Variants in AASS observed in about 807,000 individuals in gnomAD.
AASS encodes the protein alpha-aminoadipic semialdehyde synthase, mitochondrial.
AASS carries 86 observed loss-of-function variants against 105.4 expected under a neutral mutation model. The ratio of observed to expected loss-of-function variants is 0.82; its 90% confidence interval spans 0.69 to 0.98. The LOEUF is 0.98. AASS is among the 50% of genes least tolerant of loss of function. The probability of loss-of-function intolerance (pLI) is 0.00; values close to 1 mark genes in which losing one functional copy is unlikely to be tolerated. For synonymous variants in AASS, 381 were observed against 394.8 expected, an observed-to-expected ratio of 0.96 and a Z score of 0.41; for missense variants, 1,048 against 1,143.2, an observed-to-expected ratio of 0.92 and a Z score of 1.20.
At chr7:122,109,907 T>C (rs945747170) in intron 11 of AASS, among the ~76,000 whole-genome samples, 8 of 152,000 alleles carry the variant, frequency 5.3e-5, no homozygotes, top group Non-Finnish European at 8.8e-5. Flanking sequence ...TTGCAAACTA[T>C]ACGTCTCACA....
chr7:122,094,352 C>T (rs1794045069), intron 15 of AASS, among the ~76,000 whole-genome samples: 1 of 152,008 alleles, frequency 6.6e-6, no homozygotes, highest in Non-Finnish European at 1.5e-5. Context: ...AATAGCAATA[C>T]TCTATTCTAT....
chr7:122,120,421 C>A (rs893707838), intron 4 of AASS, among the ~76,000 whole-genome samples: 1 of 151,934 alleles, frequency 6.6e-6, no homozygotes, highest in Non-Finnish European at 1.5e-5. Flanking sequence ...CCCTAGTATT[C>A]CTTCTTAGTA....
chr7:122,128,434 A>C (rs1468042332), intron 3 of AASS, among the ~76,000 whole-genome samples: 1 of 152,154 alleles, frequency 6.6e-6, no homozygotes, highest in East Asian at 1.9e-4. Context: ...TGCCACTTTC[A>C]CAATGGGGTC....
intron 21 of AASS, 101 bp downstream of exon 21, chr7:122,079,496 A>G (rs1230652758): frequency 8.9e-7 from 1 of 1,118,148 alleles, no homozygotes; most frequent in Non-Finnish European, 1.3e-6. Context: ...AGAGCAACGA[A>G]TTAATCAAAG....
At chr7:122,138,378 T>C (rs1046098550) in intron 1 of AASS, among the ~76,000 whole-genome samples, 2 of 152,208 alleles carry the variant, frequency 1.3e-5, no homozygotes, top group Admixed American at 6.5e-5. Flanking sequence ...TGATATAGTT[T>C]AATTTATAAA....
At chr7:122,129,216 C>G in intron 3 of AASS, 145 bp downstream of exon 3, 3 of 542,992 alleles carry the variant, frequency 5.5e-6, no homozygotes, top group Non-Finnish European at 8.9e-6. Flanking sequence ...GAGCTTTTAT[C>G]ATTCTTTCCA....
At position 122,075,765 on chromosome 7, in the gene AASS, A is replaced by G. The variant is rs763621227; in HGVS notation, c.*724T>C. On this transcript the variant is annotated 3_prime_UTR_variant, in exon 24 of 24. Transcript: ENST00000417368. ...AACACTCAAGAGAAAACTATAAGGAACTATATTTACAAAATAAATCATAAC... is the reference window on the plus strand; with the variant it reads ...AACACTCAAGAGAAAACTATAAGGAGCTATATTTACAAAATAAATCATAAC... The G allele has an allele frequency of 1.3e-5, 2 of 152,214 alleles. No individual in the cohort carries two copies. The highest frequency in any genetic ancestry group is 2.4e-5 in the African/African-American group (1 of 41,454). The allele number at this position is 152,214 out of a possible 1,614,324, so 9.4% of individuals were successfully genotyped here.
chr7:122,124,893 G>A (rs1013736460), intron 4 of AASS, among the ~76,000 whole-genome samples: 2 of 152,120 alleles, frequency 1.3e-5, no homozygotes, highest in African/African-American at 4.8e-5. Context: ...GGTGAGGAAA[G>A]ATATGAGGTG....
intron 22 of AASS, 132 bp downstream of exon 22, chr7:122,078,730 C>T: frequency 2.5e-6 from 2 of 805,794 alleles, no homozygotes; most frequent in Non-Finnish European, 2.1e-6. Context: ...AAAAATAGTC[C>T]AATTGCCCTT....
Position 122,133,527 on chromosome 7 carries a change from A to C in AASS, c.200T>G (p.Ile67Ser). 6.2e-7 allele frequency: 1 copy of C among 1,614,180 alleles called. No homozygotes were observed. Among genetic ancestry groups the C allele is most frequent in the Non-Finnish European group, 8.5e-7 (1 of 1,180,022 alleles). Residue 67 changes from isoleucine (I) to serine (S), a missense_variant, in exon 2 of 24, where the codon ATT (isoleucine) becomes AGT (serine). Coordinates refer to ENST00000417368, the MANE Select transcript of AASS (RefSeq NM_005763.4). Reference protein sequence around the residue: ...VLIQPSNRRAIHDKDYVKAGG... With the variant: ...VLIQPSNRRASHDKDYVKAGG... ...ATTGGAAATACTCACCTTATCATGA[A>C]TGGCCCGCCGATTCGAAGGCTGTAT... is the stretch of plus-strand genomic sequence containing the variant.
chr7:122,077,865 C>T lies in AASS; in HGVS notation c.2635G>A (p.Ala879Thr), dbSNP rs746330018. Reference sequence around the variant, plus strand: ...TCAAGCAACATTTTGGCTGCCATGGCGGTGGGTAACCCCACGGTTTTAGCC... The same window carrying T: ...TCAAGCAACATTTTGGCTGCCATGGTGGTGGGTAACCCCACGGTTTTAGCC... ...AMAKTVGLPT[A>T]MAAKMLLDGE... Residue 879 changes from alanine (A) to threonine (T), a missense_variant, in exon 23 of 24, where the codon GCC (alanine) becomes ACC (threonine). Physicochemically the swap from Ala to Thr is moderately conservative, Grantham distance 58. Transcript: ENST00000417368. 17 of 1,614,156 alleles carry T rather than the reference C, an allele frequency of 1.1e-5. No individual in the cohort carries two copies. The highest frequency in any genetic ancestry group is 2.2e-5 in the East Asian group (1 of 44,866).
At chr7:122,116,557 T>C (rs1795186543) in intron 8 of AASS, 76 bp downstream of exon 8, 2 of 1,585,882 alleles carry the variant, frequency 1.3e-6, no homozygotes, top group Non-Finnish European at 1.7e-6. Context: ...GTACAATTCA[T>C]AATTTCTCTC....
intron 10 of AASS, 38 bp from the exon 11 acceptor site, chr7:122,113,267 CATT>C: frequency 6.4e-7 from 1 of 1,564,386 alleles, no homozygotes; most frequent in Non-Finnish European, 8.8e-7. Flanking sequence ...AAGCACAAAA[CATT>C]ATTTGTAAGT....
intron 10 of AASS, 77 bp from the exon 11 acceptor site, chr7:122,113,306 A>C: frequency 7.9e-7 from 1 of 1,265,560 alleles, no homozygotes; most frequent in Non-Finnish European, 1.1e-6. Context: ...TGTCTACTCC[A>C]CTATATTTGC....
At chr7:122,083,641 T>C (rs1236215213) in intron 19 of AASS, among the ~76,000 whole-genome samples, 1 of 152,058 alleles carries the variant, frequency 6.6e-6, no homozygotes, top group Non-Finnish European at 1.5e-5. Context: ...ATTATATTAA[T>C]AGGTGCTAGG....
At chr7:122,111,597 G>T (rs1794933093) in intron 11 of AASS, among the ~76,000 whole-genome samples, 1 of 152,162 alleles carries the variant, frequency 6.6e-6, no homozygotes, top group Non-Finnish European at 1.5e-5. Context: ...TAGAAGTAGA[G>T]AAACTGTTAA....
chr7:122,115,359 G>T, intron 8 of AASS, 137 bp from the exon 9 acceptor site: 1 of 1,182,132 alleles, frequency 8.5e-7, no homozygotes, highest in Non-Finnish European at 1.2e-6. Context: ...GTCCATGTCA[G>T]TGTCCATCTT....
chr7:122,108,786 A>G (rs940690649), intron 11 of AASS, among the ~76,000 whole-genome samples: 2 of 151,944 alleles, frequency 1.3e-5, no homozygotes, highest in Admixed American at 6.6e-5. Flanking sequence ...ACTATTCAAC[A>G]TAGTACTGGA....
rs193071364 is a variant in AASS at position 122,091,261 on chromosome 7, C to T, written c.2016+442G>A. On this transcript the variant is annotated intron_variant, in intron 18 of 23. Transcript: ENST00000417368. ...CTGGGGAAGAAATTATAGTTTCTTT[C>T]CCCAGCACACCAAACCCTCCATTCC... 3.9e-3 allele frequency among the ~76,000 whole-genome samples: 591 copies of T among 152,144 alleles called. 21 individuals are homozygous for T. The highest frequency in any genetic ancestry group is 4.0e-4 in the Non-Finnish European group (27 of 67,992).
Sources: allele counts gnomAD v4.1 joint callset (sites outside exome capture counted in the v4.1 genomes callset), GRCh38; gene constraint gnomAD v4.1.1; transcripts MANE v1.5; gene names NCBI Gene and HGNC (gene_info 2026-07-23, HGNC 2026-07-21).